Variants in LRRC28 observed in about 807,000 individuals in gnomAD.
The protein encoded by LRRC28 is leucine rich repeat containing 28, also known as leucine-rich repeat-containing protein 28.
LRRC28 carries 39 observed loss-of-function variants against 45.7 expected under a neutral mutation model. The observed-to-expected ratio is 0.85, with a 90% CI of 0.66 to 1.12. The LOEUF (loss-of-function observed/expected upper bound fraction) is 1.12. Among genes scored for constraint, LRRC28 ranks in the 50% most tolerant of loss-of-function variants. LRRC28 has a pLI of 0.00. For synonymous variants in LRRC28, 206 were observed against 178.8 expected (o/e 1.15, Z -1.22); for missense variants, 435 against 438.5 (o/e 0.99, Z 0.07).
At chr15:99,288,371 C>CTTTTTTTTTTT (rs67593137) in intron 5 of LRRC28, among the ~76,000 whole-genome samples, 2 of 82,916 alleles carry the variant, frequency 2.4e-5, no homozygotes, top group Non-Finnish European at 4.5e-5. Context: ...TGTACATTAA[C>CTTTTTTTTTTT]TTTTTTTTTT....
intron 2 of LRRC28, 80 bp from the exon 3 acceptor site, chr15:99,276,496 A>G (rs1238765388): frequency 3.5e-6 from 4 of 1,132,776 alleles, no homozygotes; most frequent in Non-Finnish European, 3.7e-6. Flanking sequence ...TCAAAAAGGT[A>G]GTACTTTGTA....
At chr15:99,266,123 A>T (rs2081326199) in intron 2 of LRRC28, among the ~76,000 whole-genome samples, 1 of 152,228 alleles carries the variant, frequency 6.6e-6, no homozygotes, top group African/African-American at 2.4e-5. Flanking sequence ...CTTAAAAATT[A>T]TATTCCACTT....
At chr15:99,367,915 CCT>C (rs2152331125) in intron 9 of LRRC28, among the ~76,000 whole-genome samples, 2 of 152,252 alleles carry the variant, frequency 1.3e-5, no homozygotes, top group East Asian at 3.9e-4. Context: ...AAGTCCCAAC[CCT>C]CTAATTGTGT....
Position 99,334,057 on chromosome 15 carries a change from C to T in LRRC28, c.520C>T (p.Arg174Cys), listed in dbSNP as rs769522349. 25 of 1,614,012 alleles carry T rather than the reference C, an allele frequency of 1.5e-5. No individual in the cohort carries two copies. The highest frequency in any genetic ancestry group is 2.2e-5 in the East Asian group (1 of 44,896). The change falls in exon 6 of 10, where the codon CGC becomes TGC. Residue 174 changes from arginine (R) to cysteine (C), a missense_variant. Transcript: ENST00000301981. ...CCGAAATCGTCTATGGTATGTGCCG[C>T]GCCATCTCTGCCAGCTGCCCAGCCT... ...VDRNRLWYVP[R>C]HLCQLPSLNE...
intron 9 of LRRC28, among the ~76,000 whole-genome samples, chr15:99,368,570 C>T (rs758620435): frequency 3.9e-5 from 6 of 152,168 alleles, no homozygotes; most frequent in Non-Finnish European, 8.8e-5. Context: ...TACCCTTGGG[C>T]TTTTTCTTCT....
intron 5 of LRRC28, among the ~76,000 whole-genome samples, chr15:99,322,521 G>A (rs185042862): frequency 6.6e-6 from 1 of 152,116 alleles, no homozygotes; most frequent in Admixed American, 6.5e-5. Flanking sequence ...TATAGAGGGT[G>A]TAAGTTACAG....
rs1192953981 is a variant in LRRC28, at chr15:99,357,237, A to G, written c.696-4099A>G. Among the ~76,000 whole-genome samples the G allele has an allele frequency of 3.3e-5, 5 of 152,178 alleles. No homozygotes were observed. In the South Asian group the frequency reaches 1.0e-3, roughly 32 times the overall value. ...TCTCACTCCCCTCTCAGTCTATTAT[A>G]TATTAATGTCTGTCTCTCCTCACTA... On this transcript the variant is annotated intron_variant, in intron 7 of 9. Transcript: ENST00000301981.
At chr15:99,274,893 C>A (rs1005131288) in intron 2 of LRRC28, among the ~76,000 whole-genome samples, 1 of 152,118 alleles carries the variant, frequency 6.6e-6, no homozygotes, top group Non-Finnish European at 1.5e-5. Flanking sequence ...CCATGTCATC[C>A]TCTTATAATT....
chr15:99,377,320 G>GT (rs1207707301), intron 9 of LRRC28, among the ~76,000 whole-genome samples: 1 of 151,928 alleles, frequency 6.6e-6, no homozygotes, highest in Admixed American at 6.5e-5. Context: ...TTTTTCATGT[G>GT]TTTTTTGGCT....
chr15:99,258,527 A>G, intron 2 of LRRC28: 1 of 747,664 alleles, frequency 1.3e-6, no homozygotes, highest in Non-Finnish European at 2.5e-6. Flanking sequence ...AAGAAGAGAA[A>G]GAAGAATCTT....
chr15:99,297,357 C>T (rs2082292178), intron 5 of LRRC28: 1 of 151,956 alleles, frequency 6.6e-6, no homozygotes, highest in Admixed American at 6.6e-5. Flanking sequence ...AAGTCATCCT[C>T]CTGCCTCAGC....
intron 9 of LRRC28, among the ~76,000 whole-genome samples, chr15:99,380,379 C>A (rs532801075): frequency 1.2e-4 from 18 of 151,576 alleles, no homozygotes; most frequent in Non-Finnish European, 4.4e-5. Context: ...TTTTTGTTTT[C>A]CATTTGCTTG....
intron 3 of LRRC28, chr15:99,284,637 T>A (rs928006970): frequency 1.9e-6 from 1 of 515,962 alleles, no homozygotes; most frequent in Admixed American, 2.0e-5. Context: ...CTTCTGACAC[T>A]GCCATAGCTG....
chr15:99,302,999 T>C (rs1955039313), intron 5 of LRRC28, among the ~76,000 whole-genome samples: 1 of 152,216 alleles, frequency 6.6e-6, no homozygotes, highest in African/African-American at 2.4e-5. Flanking sequence ...TATGTTTTCT[T>C]TTCTCTTGGA....
chr15:99,357,495 A>T (rs1025279703), intron 7 of LRRC28, among the ~76,000 whole-genome samples: 1 of 152,212 alleles, frequency 6.6e-6, no homozygotes, highest in Non-Finnish European at 1.5e-5. Flanking sequence ...AGCAACCTTC[A>T]TGCTGTTCAA....
chr15:99,320,436 A>G (rs555195050), intron 5 of LRRC28, among the ~76,000 whole-genome samples: 1 of 152,326 alleles, frequency 6.6e-6, no homozygotes, highest in African/African-American at 2.4e-5. Context: ...AAAAAAATAA[A>G]CATGAGTTCA....
intron 5 of LRRC28, among the ~76,000 whole-genome samples, chr15:99,321,677 G>A (rs1254405396): frequency 1.3e-5 from 2 of 152,130 alleles, no homozygotes; most frequent in Non-Finnish European, 2.9e-5. Context: ...TTTGTGTGCA[G>A]CTGCAAGTCT....
At chr15:99,382,128 G>C (rs1407207305) in intron 9 of LRRC28, among the ~76,000 whole-genome samples, 1 of 152,256 alleles carries the variant, frequency 6.6e-6, no homozygotes, top group Non-Finnish European at 1.5e-5. Flanking sequence ...TGCCCCGAGA[G>C]GTGGAGTCTA....
chr15:99,304,126 G>C (rs1256352524), intron 5 of LRRC28, among the ~76,000 whole-genome samples: 1 of 152,178 alleles, frequency 6.6e-6, no homozygotes, highest in East Asian at 1.9e-4. Flanking sequence ...TTGGAATACA[G>C]CCATGTCCAT....
Sources: gnomAD v4.1 joint callset for allele counts (sites outside exome capture counted in the v4.1 genomes callset) on GRCh38, gnomAD v4.1.1 for gene constraint, MANE v1.5 for transcripts, NCBI Gene and HGNC (gene_info 2026-07-23, HGNC 2026-07-21) for gene names.